NOL4: variants seen among roughly 807,000 people sequenced by gnomAD.
NOL4 encodes cancer/testis antigen 125.
A neutral mutation model predicts 75.9 loss-of-function variants in NOL4; 17 were observed. The observed-to-expected ratio is 0.22, with a 90% CI of 0.15 to 0.34. NOL4 has a LOEUF of 0.34. NOL4 is among the 10% of genes least tolerant of loss of function. The probability of loss-of-function intolerance (pLI) is 1.00; values close to 1 mark genes in which losing one functional copy is unlikely to be tolerated. For synonymous variants in NOL4, 292 were observed against 289.9 expected (o/e 1.01, Z -0.07); for missense variants, 614 against 793.5 (o/e 0.77, Z 2.72).
intron 6 of NOL4, among the ~76,000 whole-genome samples, chr18:34,016,061 A>C (rs1404064804): frequency 6.6e-6 from 1 of 152,076 alleles, no homozygotes; most frequent in Non-Finnish European, 1.5e-5. Context: ...TAGAAAGGTA[A>C]ATATGCTATT....
chr18:34,061,302 C>T (rs796349790), intron 5 of NOL4, among the ~76,000 whole-genome samples: 8 of 152,228 alleles, frequency 5.3e-5, no homozygotes, highest in African/African-American at 1.7e-4. Context: ...TACTCTTCCA[C>T]ATACAGTGGG....
chr18:33,886,992 T>G (rs1326250536), intron 9 of NOL4, among the ~76,000 whole-genome samples: 1 of 140,976 alleles, frequency 7.1e-6, no homozygotes, highest in Non-Finnish European at 1.5e-5. Context: ...TATCTATATA[T>G]CTAGATATAT....
intron 2 of NOL4, among the ~76,000 whole-genome samples, chr18:34,120,871 T>A (rs1231614240): frequency 1.3e-5 from 2 of 152,176 alleles, no homozygotes; most frequent in Non-Finnish European, 2.9e-5. Context: ...ATGAATTTGG[T>A]ACTATATCAG....
At chr18:33,972,900 G>T (rs1917940523) in intron 6 of NOL4, among the ~76,000 whole-genome samples, 1 of 152,214 alleles carries the variant, frequency 6.6e-6, no homozygotes. Flanking sequence ...CCCCCATGTT[G>T]ATGGTTGCTG....
At chr18:34,073,337 T>C (rs1348553928) in intron 5 of NOL4, among the ~76,000 whole-genome samples, 2 of 152,004 alleles carry the variant, frequency 1.3e-5, no homozygotes, top group African/African-American at 4.8e-5. Flanking sequence ...AGAGAGGTGA[T>C]AGTCGTCCTT....
At chr18:33,975,106 T>C (rs1416564439) in intron 6 of NOL4, among the ~76,000 whole-genome samples, 7 of 152,140 alleles carry the variant, frequency 4.6e-5, no homozygotes, top group African/African-American at 1.2e-4. Flanking sequence ...ACGTGAGGTA[T>C]CTAGACCAGT....
intron 1 of NOL4, among the ~76,000 whole-genome samples, chr18:34,189,997 A>ATG (rs1167576389): frequency 6.7e-6 from 1 of 150,342 alleles, no homozygotes; most frequent in Non-Finnish European, 1.5e-5. Context: ...ATATATATAT[A>ATG]TACACACATA....
At chr18:34,193,726 T>C (rs1187341584) in intron 1 of NOL4, among the ~76,000 whole-genome samples, 1 of 152,158 alleles carries the variant, frequency 6.6e-6, no homozygotes, top group East Asian at 1.9e-4. Flanking sequence ...GCCATCCTAC[T>C]ACTGGGTATA....
At chr18:34,012,058 G>A (rs954611865) in intron 6 of NOL4, among the ~76,000 whole-genome samples, 19 of 151,882 alleles carry the variant, frequency 1.3e-4, no homozygotes, top group Admixed American at 8.5e-4. Context: ...AACATGCATA[G>A]TAGGCATAGG....
chr18:34,148,185 T>G (rs1339291345), intron 1 of NOL4, among the ~76,000 whole-genome samples: 1 of 152,138 alleles, frequency 6.6e-6, no homozygotes, highest in African/African-American at 2.4e-5. Context: ...CATTTATTTT[T>G]TGAAGGGGTT....
chr18:34,054,231 C>T (rs1021840057), intron 5 of NOL4, among the ~76,000 whole-genome samples: 1 of 151,730 alleles, frequency 6.6e-6, no homozygotes, highest in Non-Finnish European at 1.5e-5. Flanking sequence ...TATAGAATTG[C>T]TCTAGTCCTC....
At chr18:34,196,507 T>C (rs1408110807) in intron 1 of NOL4, among the ~76,000 whole-genome samples, 1 of 152,170 alleles carries the variant, frequency 6.6e-6, no homozygotes, top group African/African-American at 2.4e-5. Context: ...CTAAGTGAAG[T>C]TGACATTACT....
chr18:34,189,940 CT>C (rs2034786947), intron 1 of NOL4, among the ~76,000 whole-genome samples: 1 of 151,192 alleles, frequency 6.6e-6, no homozygotes, highest in Admixed American at 6.6e-5. Context: ...GACAATTGCT[CT>C]TTTTTAGAGT....
At chr18:33,868,789 G>C (rs902356749) in intron 10 of NOL4, among the ~76,000 whole-genome samples, 12 of 151,352 alleles carry the variant, frequency 7.9e-5, no homozygotes, top group African/African-American at 2.9e-4. Context: ...GCCTCATAAG[G>C]TAAGACACAT....
intron 5 of NOL4, among the ~76,000 whole-genome samples, chr18:34,086,113 T>C (rs1171084792): frequency 2.0e-5 from 3 of 152,136 alleles, no homozygotes; most frequent in Admixed American, 2.0e-4. Flanking sequence ...AACAAATTCA[T>C]CATGTGAATT....
chr18:33,876,313 C>T (rs1410135353), intron 10 of NOL4, among the ~76,000 whole-genome samples: 1 of 152,028 alleles, frequency 6.6e-6, no homozygotes, highest in Non-Finnish European at 1.5e-5. Context: ...TGCCAACCTG[C>T]ATCATACTTC....
chr18:34,222,463 C>A (rs1379473644), intron 1 of NOL4: 19 of 1,089,142 alleles, frequency 1.7e-5, no homozygotes, highest in Non-Finnish European at 2.0e-5. Context: ...AGCGATCTAA[C>A]GATAAAACCT....
intron 2 of NOL4, among the ~76,000 whole-genome samples, chr18:34,113,863 A>G (rs1408882703): frequency 6.6e-6 from 1 of 152,106 alleles, no homozygotes; most frequent in African/African-American, 2.4e-5. Flanking sequence ...TACCCTAATG[A>G]AAGGCCTGTT....
At chr18:34,001,245 CTG>C (rs2073679445) in intron 6 of NOL4, among the ~76,000 whole-genome samples, 1 of 152,100 alleles carries the variant, frequency 6.6e-6, no homozygotes, top group South Asian at 2.1e-4. Context: ...CCTAAATAGA[CTG>C]AGATTAGCAT....
Sources: gnomAD v4.1 joint callset for allele counts (sites outside exome capture counted in the v4.1 genomes callset) on GRCh38, gnomAD v4.1.1 for gene constraint, MANE v1.5 for transcripts, NCBI Gene and HGNC (gene_info 2026-07-23, HGNC 2026-07-21) for gene names.